Variants in RBFOX1 observed in about 807,000 individuals in gnomAD.
RBFOX1 encodes the protein RNA binding protein fox-1 homolog 1.
RBFOX1 carries 8 observed loss-of-function variants against 57.7 expected under a neutral mutation model. The ratio of observed to expected loss-of-function variants is 0.14; its 90% confidence interval spans 0.08 to 0.25. The LOEUF is 0.25. RBFOX1 is among the 10% of genes least tolerant of loss of function. RBFOX1 has a pLI of 1.00. For missense variants in RBFOX1, 611 were observed against 548.5 expected (o/e 1.11, Z -1.14); for synonymous variants, 326 against 222.4 (o/e 1.47, Z -4.15).
At chr16:7,354,441 G>C (rs1361251510) in intron 4 of RBFOX1, among the ~76,000 whole-genome samples, 1 of 152,176 alleles carries the variant, frequency 6.6e-6, no homozygotes, top group East Asian at 1.9e-4. Flanking sequence ...AGGTTGGAAA[G>C]TATTAAAGAG....
chr16:5,746,966 C>T (rs138678828), intron 3 of RBFOX1, among the ~76,000 whole-genome samples: 3 of 152,242 alleles, frequency 2.0e-5, no homozygotes, highest in Non-Finnish European at 2.9e-5. Flanking sequence ...GCCAGAACTT[C>T]CAACACTATG....
At chr16:5,292,540 A>T (rs145352459) in intron 1 of RBFOX1, among the ~76,000 whole-genome samples, 4 of 152,182 alleles carry the variant, frequency 2.6e-5, no homozygotes, top group African/African-American at 9.7e-5. Flanking sequence ...CCCAATGCAA[A>T]TAGGCACTCA....
At chr16:7,709,651 C>T (rs1416299644) in intron 15 of RBFOX1, 3 of 1,525,318 alleles carry the variant, frequency 2.0e-6, no homozygotes, top group Admixed American at 2.0e-5. Flanking sequence ...GAGAGGGGCA[C>T]ACTTTGTGTG....
At chr16:7,629,923 TGTCCAGTGTGG>T (rs1405765062) in intron 10 of RBFOX1, among the ~76,000 whole-genome samples, 3 of 152,184 alleles carry the variant, frequency 2.0e-5, no homozygotes, top group Non-Finnish European at 4.4e-5. Context: ...TCTCATCCAG[TGTCCAGTGTGG>T]GTCCAGGGTG....
At chr16:7,683,566 G>A (rs1016603284) in intron 14 of RBFOX1, among the ~76,000 whole-genome samples, 3 of 152,058 alleles carry the variant, frequency 2.0e-5, no homozygotes, top group African/African-American at 7.2e-5. Context: ...GACCGTAGCT[G>A]TCACAGCCAC....
chr16:5,500,208 T>TTCCATTCCAG (rs2043144349), intron 2 of RBFOX1, among the ~76,000 whole-genome samples: 1 of 131,132 alleles, frequency 7.6e-6, no homozygotes, highest in African/African-American at 3.2e-5. Flanking sequence ...TTCCATTCCA[T>TTCCATTCCAG]TGCATTCCGT....
At chr16:7,664,990 T>G (rs780621790) in intron 13 of RBFOX1, 22 bp downstream of exon 13, 1 of 1,613,942 alleles carries the variant, frequency 6.2e-7, no homozygotes, top group South Asian at 1.1e-5. Flanking sequence ...TTCACGTGCA[T>G]GCCATCCCCG....
At chr16:5,540,034 G>A (rs1453994476) in intron 2 of RBFOX1, among the ~76,000 whole-genome samples, 1 of 152,070 alleles carries the variant, frequency 6.6e-6, no homozygotes, top group African/African-American at 2.4e-5. Context: ...TCTGATTTCT[G>A]CCAATCTTCT....
intron 1 of RBFOX1, among the ~76,000 whole-genome samples, chr16:5,436,919 G>A (rs8053619): frequency 0.43 from 66,101 of 151,990 alleles, 15,793 homozygotes; most frequent in East Asian, 0.63. Flanking sequence ...CAATATGTCA[G>A]TCTCAAGAGT....
rs199520149 is a variant in RBFOX1 at position 5,843,685 on chromosome 16, T to C, written c.319-23618T>C. The stretch of plus-strand genomic sequence containing the variant: ...GCCATTCCTTGAAGCAAGGTAGCCA[T>C]GTTATAGATGAAAAAACAGAGGTCC... On this transcript the variant is annotated intron_variant, in intron 3 of 19. Coordinates refer to the RBFOX1 transcript ENST00000641259. Among the ~76,000 whole-genome samples the C allele has an allele frequency of 4.6e-5, 7 of 152,336 alleles. No homozygotes were observed. In the East Asian group the frequency reaches 1.3e-3, roughly 29 times the overall value.
At chr16:7,411,545 A>T (rs565401469) in intron 4 of RBFOX1, among the ~76,000 whole-genome samples, 3 of 152,268 alleles carry the variant, frequency 2.0e-5, no homozygotes, top group African/African-American at 7.2e-5. Context: ...TTGTAAGAAA[A>T]ACATCAGTCA....
chr16:5,806,964 A>G (rs775330239), intron 3 of RBFOX1, among the ~76,000 whole-genome samples: 8 of 152,142 alleles, frequency 5.3e-5, no homozygotes, highest in African/African-American at 1.7e-4. Flanking sequence ...AAGAGAAGGA[A>G]TAGTTAGAAA....
intron 4 of RBFOX1, among the ~76,000 whole-genome samples, chr16:7,369,220 A>C (rs1459736127): frequency 6.6e-6 from 1 of 151,772 alleles, no homozygotes; most frequent in African/African-American, 2.4e-5. Context: ...CAATAGTAAA[A>C]AGCAAACACA....
intron 3 of RBFOX1, among the ~76,000 whole-genome samples, chr16:6,961,675 G>A (rs994671700): frequency 6.6e-6 from 1 of 152,130 alleles, no homozygotes; most frequent in African/African-American, 2.4e-5. Flanking sequence ...CTGGGAAAGG[G>A]GTGGGGACTT....
intron 3 of RBFOX1, among the ~76,000 whole-genome samples, chr16:6,730,147 A>C (rs1304509077): frequency 6.6e-6 from 1 of 152,142 alleles, no homozygotes; most frequent in African/African-American, 2.4e-5. Flanking sequence ...TGCTTCCCTA[A>C]AAGAAGCCTT....
At chr16:7,439,510 C>A (rs537525081) in intron 4 of RBFOX1, among the ~76,000 whole-genome samples, 2 of 152,198 alleles carry the variant, frequency 1.3e-5, no homozygotes, top group African/African-American at 4.8e-5. Context: ...TTCCTCCCAT[C>A]TCCAGGCCTT....
rs183333935 is a variant in RBFOX1 at position 5,625,602 on chromosome 16, G to A, written c.318+26641G>A. ...AGATGGAGTTTTGCTCTGTCACCCC[G>A]GCTCGAGTATGGTGGTGCAATCTTG... On this transcript the variant is annotated intron_variant, in intron 3 of 19. Coordinates refer to the RBFOX1 transcript ENST00000641259. 4.3e-4 allele frequency among the ~76,000 whole-genome samples: 65 copies of A among 150,818 alleles called. 1 individual carries two copies. The highest frequency in any genetic ancestry group is 9.7e-4 in the East Asian group (5 of 5,148).
At chr16:7,555,879 C>T (rs907233193) in intron 5 of RBFOX1, among the ~76,000 whole-genome samples, 1 of 152,144 alleles carries the variant, frequency 6.6e-6, no homozygotes, top group East Asian at 1.9e-4. Context: ...TTCCAACATG[C>T]TCTGCAATGC....
chr16:6,658,515 T>C (rs1292930497), intron 3 of RBFOX1, among the ~76,000 whole-genome samples: 1 of 152,090 alleles, frequency 6.6e-6, no homozygotes, highest in African/African-American at 2.4e-5. Context: ...CCGAGAGCCC[T>C]CATCTTGTTG....
Sources: allele counts gnomAD v4.1 joint callset (sites outside exome capture counted in the v4.1 genomes callset), GRCh38; gene constraint gnomAD v4.1.1; transcripts MANE v1.5; gene names NCBI Gene and HGNC (gene_info 2026-07-23, HGNC 2026-07-21).